Variants in CAMSAP2 observed in about 807,000 individuals in gnomAD.
CAMSAP2 encodes calmodulin-regulated spectrin-associated protein 2.
Under a neutral mutation model 146.1 loss-of-function variants are expected in CAMSAP2, and 26 were observed. The observed-to-expected ratio is 0.18, with a 90% CI of 0.13 to 0.25. The LOEUF (loss-of-function observed/expected upper bound fraction) is 0.25. Ranked by LOEUF, CAMSAP2 falls within the 10% of genes least tolerant of loss-of-function variation. CAMSAP2 has a pLI of 1.00. For missense variants in CAMSAP2, 1,381 were observed against 1,759.3 expected, an observed-to-expected ratio of 0.78 and a Z score of 3.85; for synonymous variants, 499 against 596.6, an observed-to-expected ratio of 0.84 and a Z score of 2.38.
At position 200,850,069 on chromosome 1, in the gene CAMSAP2, C is replaced by T. The variant is rs141562761; in HGVS notation, c.3300C>T (p.Pro1100=). 8.7e-6 allele frequency: 14 copies of T among 1,613,468 alleles called. No homozygotes were observed. The highest frequency in any genetic ancestry group is 1.2e-5 in the Non-Finnish European group (14 of 1,179,750). Residue 1100 remains proline, a synonymous_variant, in exon 11 of 17, where the codon CCC becomes CCT. Transcript: ENST00000358823. ...AACCCACAGAACCCCCTCCTAAACC[C>T]GTTTTCCCACCCACTGCTCCAAAAA... is the stretch of plus-strand genomic sequence containing the variant. ...LNQPTEPPPK[P]VFPPTAPKNV...
chr1:200,761,795 A>G (rs759618268), intron 2 of CAMSAP2, among the ~76,000 whole-genome samples: 1 of 152,028 alleles, frequency 6.6e-6, no homozygotes, highest in Non-Finnish European at 1.5e-5. Flanking sequence ...ATTTCTGCAT[A>G]TCAGATATTT....
intron 4 of CAMSAP2, chr1:200,828,738 G>A: frequency 3.7e-6 from 3 of 819,146 alleles, no homozygotes; most frequent in Non-Finnish European, 3.8e-6. Flanking sequence ...TTAAGGTCAT[G>A]TAAAATGGAA....
intron 11 of CAMSAP2, among the ~76,000 whole-genome samples, chr1:200,851,629 G>C (rs1667622033): frequency 6.6e-6 from 1 of 152,174 alleles, no homozygotes; most frequent in African/African-American, 2.4e-5. Flanking sequence ...TCTCCATTCA[G>C]AGTTAAATCT....
chr1:200,848,081 A>G lies in CAMSAP2; in HGVS notation c.1312A>G (p.Ser438Gly). The stretch of plus-strand genomic sequence containing the variant: ...TGATATTTCTTTTGATAAAGAAGAT[A>G]GTGTACAGAGATCCACTCCAAACCG... ...SFDISFDKED[S>G]VQRSTPNRGI... Residue 438 changes from serine to glycine, a missense_variant, in exon 11 of 17, where the codon AGT (serine) becomes GGT (glycine). This residue lies in a region of CAMSAP2 where 447 missense variants were observed against 462.2 expected (regional missense o/e 0.97). Transcript: ENST00000358823. The G allele has an allele frequency of 6.3e-7, 1 of 1,586,994 alleles. No homozygotes were observed. Among genetic ancestry groups the G allele is most frequent in the Non-Finnish European group, 8.6e-7 (1 of 1,168,246 alleles).
chr1:200,748,193 T>C (rs1011079789), intron 1 of CAMSAP2, among the ~76,000 whole-genome samples: 1 of 152,202 alleles, frequency 6.6e-6, no homozygotes, highest in Non-Finnish European at 1.5e-5. Flanking sequence ...ATCCAGCCCC[T>C]GCTGTCATCA....
At chr1:200,764,332 A>C (rs1347761811) in intron 2 of CAMSAP2, among the ~76,000 whole-genome samples, 1 of 152,196 alleles carries the variant, frequency 6.6e-6, no homozygotes, top group Non-Finnish European at 1.5e-5. Flanking sequence ...GTTAGTACTA[A>C]TTCTTTTTCT....
chr1:200,850,517 G>C (rs963206201), intron 11 of CAMSAP2, among the ~76,000 whole-genome samples: 1 of 152,084 alleles, frequency 6.6e-6, no homozygotes, highest in Non-Finnish European at 1.5e-5. Context: ...AAGCTACTCA[G>C]ATCTCTTCAG....
At chr1:200,826,802 TA>T (rs1174877294) in intron 4 of CAMSAP2, among the ~76,000 whole-genome samples, 5 of 152,160 alleles carry the variant, frequency 3.3e-5, no homozygotes, top group Non-Finnish European at 7.3e-5. Flanking sequence ...GGTAGAAACT[TA>T]ATAAAAGTTT....
At chr1:200,817,211 TACACAC>T (rs1253220338) in intron 4 of CAMSAP2, among the ~76,000 whole-genome samples, 1,084 of 56,150 alleles carry the variant, frequency 0.019, 25 homozygotes, top group African/African-American at 0.079. Context: ...TATACACACA[TACACAC>T]ATATGTGTGT....
At chr1:200,783,948 C>T (rs1465258677) in intron 2 of CAMSAP2, among the ~76,000 whole-genome samples, 1 of 152,064 alleles carries the variant, frequency 6.6e-6, no homozygotes, top group Middle Eastern at 3.4e-3. Context: ...GTTTTCTTCT[C>T]GAAGTTTACA....
chr1:200,843,896 G>C (rs1482870888), intron 7 of CAMSAP2, among the ~76,000 whole-genome samples: 2 of 151,750 alleles, frequency 1.3e-5, no homozygotes, highest in Non-Finnish European at 2.9e-5. Flanking sequence ...TTTTGAGATG[G>C]AGTCTCGCTC....
chr1:200,763,944 G>GGC (rs1406602781), intron 2 of CAMSAP2, among the ~76,000 whole-genome samples: 3 of 152,068 alleles, frequency 2.0e-5, no homozygotes, highest in African/African-American at 7.2e-5. Context: ...TGTGGTGGCA[G>GGC]GCACCTGTAA....
chr1:200,752,517 G>C (rs1373640759), intron 1 of CAMSAP2, among the ~76,000 whole-genome samples: 3 of 151,958 alleles, frequency 2.0e-5, no homozygotes, highest in Non-Finnish European at 4.4e-5. Context: ...ACTCTTATCT[G>C]ATTCACAGCC....
intron 11 of CAMSAP2, among the ~76,000 whole-genome samples, chr1:200,850,616 T>C (rs1667595246): frequency 6.6e-6 from 1 of 152,200 alleles, no homozygotes; most frequent in African/African-American, 2.4e-5. Flanking sequence ...TATTAAAATT[T>C]ACTGCCTAGA....
In CAMSAP2 at chr1:200,807,503, A is replaced by G; in HGVS notation, c.527A>G (p.Asp176Gly). Residue 176 changes from aspartate (D) to glycine (G), a missense_variant, in exon 3 of 17, where the codon GAT (aspartate) becomes GGT (glycine). Physicochemically the swap from Asp to Gly is moderately conservative, Grantham distance 94 (BLOSUM62 -1). Transcript: ENST00000358823. Reference protein sequence around the residue: ...AFFQATDLPYDIEDAVMYWIN... With the variant: ...AFFQATDLPYGIEDAVMYWIN... The stretch of plus-strand genomic sequence containing the variant: ...TTTCAAGCCACAGATCTGCCCTATG[A>G]TATTGAGGACGCTGTCATGTACTGG... 1.2e-6 allele frequency: 2 copies of G among 1,611,798 alleles called. No individual in the cohort carries two copies. Among genetic ancestry groups the G allele is most frequent in the South Asian group, 1.1e-5 (1 of 90,812 alleles).
chr1:200,788,841 G>A (rs552321730), intron 2 of CAMSAP2, among the ~76,000 whole-genome samples: 16 of 150,988 alleles, frequency 1.1e-4, no homozygotes, highest in Admixed American at 4.0e-4. Flanking sequence ...TAGTAGAGAC[G>A]GAGTTTCACT....
At chr1:200,850,470 A>G (rs1667592112) in intron 11 of CAMSAP2, among the ~76,000 whole-genome samples, 1 of 152,172 alleles carries the variant, frequency 6.6e-6, no homozygotes, top group African/African-American at 2.4e-5. Flanking sequence ...TTGCTCCTCT[A>G]CTGCTCTTTC....
rs1181280239 is a variant in CAMSAP2, at chr1:200,816,864, A to G, written c.645+1220A>G. Among the ~76,000 whole-genome samples, 140 of 76,888 alleles carry G rather than the reference A, an allele frequency of 1.8e-3. 40 individuals are homozygous for G. The highest frequency in any genetic ancestry group is 3.1e-3 in the Non-Finnish European group (119 of 38,066). The allele number at this position is 76,888 out of a possible 152,430, so 50.4% of individuals were successfully genotyped here. The stretch of plus-strand genomic sequence containing the variant: ...TGTGTGTACACACACACGCGTGTGT[A>G]TGTGTGTACACACACACGCGTGTGT... On this transcript the variant is annotated intron_variant, in intron 4 of 16. Coordinates refer to ENST00000358823, the MANE Select transcript of CAMSAP2 (RefSeq NM_203459.4).
chr1:200,767,995 T>G (rs993013197), intron 2 of CAMSAP2, among the ~76,000 whole-genome samples: 2 of 152,338 alleles, frequency 1.3e-5, no homozygotes, highest in Middle Eastern at 3.4e-3. Context: ...GGTACTTACT[T>G]TACTAGGTGA....
Sources: gnomAD v4.1 joint callset for allele counts (sites outside exome capture counted in the v4.1 genomes callset) on GRCh38, gnomAD v4.1.1 for gene constraint, gnomAD v4.1.1 regional missense constraint, MANE v1.5 for transcripts, NCBI Gene and HGNC (gene_info 2026-07-23, HGNC 2026-07-21) for gene names.